The following COL4A2 variants were observed in gnomAD, a reference collection of about 807,000 sequenced individuals.
COL4A2 encodes collagen alpha-2(IV) chain.
COL4A2 carries 99 observed loss-of-function variants against 200.2 expected under a neutral mutation model. The observed-to-expected ratio is 0.49, with a 90% confidence interval of 0.42 to 0.58. COL4A2 has a LOEUF of 0.58. COL4A2 is among the 20% of genes least tolerant of loss of function. The pLI is 0.00. For missense variants in COL4A2, 1,950 were observed against 2,314.1 expected, an observed-to-expected ratio of 0.84 and a Z score of 3.23; for synonymous variants, 897 against 900.6, an observed-to-expected ratio of 1.00 and a Z score of 0.07.
chr13:110,369,317 A>G (rs1353596100), intron 4 of COL4A2, among the ~76,000 whole-genome samples: 1 of 152,182 alleles, frequency 6.6e-6, no homozygotes, highest in East Asian at 1.9e-4. Context: ...CAAAATCAGA[A>G]CCCTTTTGAG....
At chr13:110,502,816 G>A (rs1883695717) in intron 41 of COL4A2, 1 of 299,144 alleles carries the variant, frequency 3.3e-6, no homozygotes, top group Non-Finnish European at 6.2e-6. Context: ...GTTGGGGGGA[G>A]AGGGACACGG....
intron 4 of COL4A2, among the ~76,000 whole-genome samples, chr13:110,409,891 C>T (rs1163514381): frequency 6.6e-6 from 1 of 152,112 alleles, no homozygotes; most frequent in Non-Finnish European, 1.5e-5. Context: ...CCTTTGTTAA[C>T]TGGAGAGACG....
At chr13:110,402,046 C>T (rs531421026) in intron 4 of COL4A2, among the ~76,000 whole-genome samples, 4 of 152,268 alleles carry the variant, frequency 2.6e-5, no homozygotes, top group East Asian at 3.9e-4. Context: ...ACATTCAGTC[C>T]GTAACATTTC....
At chr13:110,497,808 C>CTAG in intron 40 of COL4A2, among the ~76,000 whole-genome samples, 1 of 146,518 alleles carries the variant, frequency 6.8e-6, no homozygotes. Flanking sequence ...TGGGGTCAGT[C>CTAG]CAGCAGCACA....
At chr13:110,506,257 A>ACTCT (rs10558706) in intron 45 of COL4A2, among the ~76,000 whole-genome samples, 158 bp from the exon 46 acceptor site, 1 of 117,438 alleles carries the variant, frequency 8.5e-6, no homozygotes, top group African/African-American at 3.6e-5. Context: ...CAGGCCGTCC[A>ACTCT]CTCTCTCTCT....
rs112919154 is a variant in COL4A2, at chr13:110,472,113, C to CTT, written c.2204-812_2204-811dup. Reference sequence around the variant, plus strand: ...ATGGGACTTGATGATTTTCTTTTTTCTTTTTATTTTTTTCTCTTTTGAGAT... The same window carrying CTT: ...ATGGGACTTGATGATTTTCTTTTTTCTTTTTTTATTTTTTTCTCTTTTGAGAT... On this transcript the variant is annotated intron_variant, in intron 28 of 47. Coordinates refer to ENST00000360467, the MANE Select transcript of COL4A2 (RefSeq NM_001846.4). Among the ~76,000 whole-genome samples the CTT allele has an allele frequency of 1.2e-3, 173 of 145,854 alleles. 1 individual carries two copies. Among genetic ancestry groups the CTT allele is most frequent in the Middle Eastern group, 3.5e-3 (1 of 286 alleles).
Position 110,501,663 on chromosome 13 carries a change from C to G in COL4A2, c.3761-5C>G, listed in dbSNP as rs926693354. The G allele has an allele frequency of 6.2e-7, 1 of 1,610,160 alleles. No individual in the cohort carries two copies. Among genetic ancestry groups the G allele is most frequent in the Non-Finnish European group, 8.5e-7 (1 of 1,176,516 alleles). ...GAAAATAATTTCTTCTGTTTTCATC[C>G]TAAGGGGAACGAGGCCCACCTGGGA... is the stretch of plus-strand genomic sequence containing the variant. On this transcript the variant is annotated splice_polypyrimidine_tract_variant and splice_region_variant and intron_variant, in intron 40 of 47. Transcript: ENST00000360467.
intron 22 of COL4A2, chr13:110,459,649 A>G (rs560322897): frequency 1.3e-5 from 2 of 152,362 alleles, no homozygotes; most frequent in Non-Finnish European, 2.9e-5. Flanking sequence ...CTGAAATTAG[A>G]TAAGAGTGAT....
chr13:110,413,670 C>T (rs1440688443), intron 4 of COL4A2, among the ~76,000 whole-genome samples: 1 of 152,220 alleles, frequency 6.6e-6, no homozygotes, highest in Non-Finnish European at 1.5e-5. Flanking sequence ...AACGCAAAGG[C>T]TATGGCGGGG....
intron 3 of COL4A2, among the ~76,000 whole-genome samples, chr13:110,322,695 C>A (rs556443663): frequency 1.3e-5 from 2 of 152,162 alleles, no homozygotes; most frequent in African/African-American, 4.8e-5. Context: ...GACAGGGAGC[C>A]GATGTCCACC....
At chr13:110,499,394 C>T (rs1485279142) in intron 40 of COL4A2, among the ~76,000 whole-genome samples, 1 of 152,130 alleles carries the variant, frequency 6.6e-6, no homozygotes, top group Admixed American at 6.5e-5. Context: ...GGGGGAGGCC[C>T]CTTATAAAAC....
chr13:110,387,415 C>T (rs1016983606), intron 4 of COL4A2, among the ~76,000 whole-genome samples: 28 of 152,194 alleles, frequency 1.8e-4, no homozygotes, highest in African/African-American at 6.5e-4. Context: ...TTGTGATGCC[C>T]GGACATCACG....
intron 18 of COL4A2, 124 bp from the exon 19 acceptor site, chr13:110,449,555 C>A: frequency 1.2e-6 from 1 of 865,980 alleles, no homozygotes; most frequent in Non-Finnish European, 1.7e-6. Context: ...CATCTTAACT[C>A]CTCATCAGGC....
chr13:110,346,750 G>C (rs1270470718), intron 3 of COL4A2, among the ~76,000 whole-genome samples: 1 of 152,186 alleles, frequency 6.6e-6, no homozygotes, highest in Non-Finnish European at 1.5e-5. Flanking sequence ...GGTGTTTGCT[G>C]TGTAGGTTCC....
chr13:110,456,403 A>C (rs541451105), intron 20 of COL4A2: 3 of 278,714 alleles, frequency 1.1e-5, no homozygotes, highest in African/African-American at 6.9e-5. Context: ...AACTGAGTTC[A>C]TCTTTTTTTT....
At chr13:110,348,362 C>T (rs900982378) in intron 3 of COL4A2, among the ~76,000 whole-genome samples, 3 of 152,226 alleles carry the variant, frequency 2.0e-5, no homozygotes, top group African/African-American at 7.2e-5. Context: ...AATTGGCTGG[C>T]TTTGCTGCCC....
Position 110,506,517 on chromosome 13 carries a change from C to T in COL4A2, c.4505C>T (p.Pro1502Leu), listed in dbSNP as rs775820945. Residue 1502 changes from proline to leucine, a missense_variant, in exon 46 of 48, where the codon CCC becomes CTC. By Grantham distance (98) the Pro-to-Leu change is moderately conservative. Transcript: ENST00000360467. ...LVKHSQTDQE[P>L]MCPVGMNKLW... ...AAGCACAGCCAGACGGACCAGGAGC[C>T]CATGTGCCCAGTGGGCATGAACAAA... 20 of 1,613,150 alleles carry T rather than the reference C, an allele frequency of 1.2e-5. No homozygotes were observed. Among genetic ancestry groups the T allele is most frequent in the Non-Finnish European group, 1.5e-5 (18 of 1,179,736 alleles).
chr13:110,380,192 G>C (rs1878410737), intron 4 of COL4A2, among the ~76,000 whole-genome samples: 1 of 152,216 alleles, frequency 6.6e-6, no homozygotes, highest in African/African-American at 2.4e-5. Context: ...TTTGATAACA[G>C]CTTTTTAACC....
chr13:110,483,729 G>A (rs188316207), intron 32 of COL4A2, among the ~76,000 whole-genome samples: 6 of 132,246 alleles, frequency 4.5e-5, no homozygotes, highest in Admixed American at 6.9e-5. Context: ...GCCGAGAAGC[G>A]ATGGATTCGC....
Sources: gnomAD v4.1 joint callset for allele counts (sites outside exome capture counted in the v4.1 genomes callset) on GRCh38, gnomAD v4.1.1 for gene constraint, MANE v1.5 for transcripts, NCBI Gene and HGNC (gene_info 2026-07-23, HGNC 2026-07-21) for gene names.